FKTN: variants seen among roughly 807,000 people sequenced by gnomAD.
The protein encoded by FKTN is ribitol-5-phosphate transferase FKTN.
A neutral mutation model predicts 58.6 loss-of-function variants in FKTN; 47 were observed. The observed-to-expected ratio is 0.80, with a 90% CI of 0.63 to 1.02. FKTN has a LOEUF of 1.02. Among genes scored for constraint, FKTN ranks in the 50% least tolerant of loss-of-function variants. The probability of loss-of-function intolerance (pLI) is 0.00; values close to 1 mark genes in which losing one functional copy is unlikely to be tolerated. For synonymous variants in FKTN, 178 were observed against 191.9 expected, an observed-to-expected ratio of 0.93 and a Z score of 0.60; for missense variants, 516 against 537.3, an observed-to-expected ratio of 0.96 and a Z score of 0.39.
At position 105,586,127 on chromosome 9, in the gene FKTN, C is replaced by A. The variant is rs115288160; in HGVS notation, c.106-10471C>A. Among the ~76,000 whole-genome samples the A allele has an allele frequency of 6.3e-3, 962 of 152,314 alleles. 16 individuals carry two copies. The highest frequency in any genetic ancestry group is 0.022 in the African/African-American group (916 of 41,574). On this transcript the variant is annotated intron_variant, in intron 3 of 10. Coordinates refer to ENST00000357998, the MANE Select transcript of FKTN (RefSeq NM_001079802.2). ...CCATTTTGAGGGCCTTAGCACAGAA[C>A]TACTCTTGGTCCTAGCTGGTTAGAC...
intron 1 of FKTN, among the ~76,000 whole-genome samples, chr9:105,568,721 G>T (rs1840163507): frequency 6.6e-6 from 1 of 152,238 alleles, no homozygotes; most frequent in South Asian, 2.1e-4. Flanking sequence ...CATTGTGGAA[G>T]ACAGTGTGGC....
chr9:105,586,810 G>T (rs1230237706), intron 3 of FKTN, among the ~76,000 whole-genome samples: 2 of 152,034 alleles, frequency 1.3e-5, no homozygotes, highest in African/African-American at 4.8e-5. Flanking sequence ...GTACTTTTAA[G>T]GTTTACATTG....
chr9:105,582,363 A>G (rs1040372453), intron 3 of FKTN, among the ~76,000 whole-genome samples: 4 of 151,960 alleles, frequency 2.6e-5, no homozygotes, highest in Non-Finnish European at 5.9e-5. Context: ...CTGACTAATT[A>G]AAAAAAATTT....
chr9:105,631,542 A>C (rs1030805579), intron 10 of FKTN, among the ~76,000 whole-genome samples: 1 of 152,148 alleles, frequency 6.6e-6, no homozygotes, highest in South Asian at 2.1e-4. Flanking sequence ...AATATCCACA[A>C]TCTACAATGA....
intron 3 of FKTN, among the ~76,000 whole-genome samples, chr9:105,581,498 C>A (rs1444014087): frequency 2.0e-5 from 3 of 151,178 alleles, no homozygotes; most frequent in South Asian, 2.1e-4. Flanking sequence ...GGGTCAGGGA[C>A]CCACTTGAGG....
chr9:105,568,294 G>A (rs1840069746), intron 1 of FKTN, among the ~76,000 whole-genome samples: 1 of 152,146 alleles, frequency 6.6e-6, no homozygotes, highest in Non-Finnish European at 1.5e-5. Context: ...TGACAAAAGG[G>A]AGCTAATTAA....
In FKTN at chr9:105,636,691, A is replaced by G; in HGVS notation, c.*1427A>G. On this transcript the variant is annotated 3_prime_UTR_variant, in exon 11 of 11. Coordinates refer to ENST00000357998, the MANE Select transcript of FKTN (RefSeq NM_001079802.2). ...TGTCTAGGAAAGGAAGCTGAATCTT[A>G]TATCTTATCTATGCTATTTAGGACT... 4 of 1,282,170 alleles carry G rather than the reference A, an allele frequency of 3.1e-6. No individual in the cohort carries two copies. The highest frequency in any genetic ancestry group is 4.1e-6 in the Non-Finnish European group (4 of 973,976). The allele number at this position is 1,282,170 out of a possible 1,614,324, so 79.4% of individuals were successfully genotyped here. A position where few individuals can be genotyped will look rare whatever the true frequency, so the allele number is the denominator to read the frequency against.
chr9:105,588,799 C>G lies in FKTN; in HGVS notation c.106-7799C>G, dbSNP rs576533669. 1.5e-3 allele frequency among the ~76,000 whole-genome samples: 230 copies of G among 152,320 alleles called. 1 individual carries two copies. Among genetic ancestry groups the G allele is most frequent in the African/African-American group, 5.2e-3 (216 of 41,576 alleles). On this transcript the variant is annotated intron_variant, in intron 3 of 10. Transcript: ENST00000357998. The stretch of plus-strand genomic sequence containing the variant: ...GGATATACTGTTTGCTCTCCAAATT[C>G]TCTCTTTACCATACTCTGTTCTTGG...
At position 105,638,035 on chromosome 9, in the gene FKTN, C is replaced by G; in HGVS notation, c.*2771C>G. ...TAAAACTTAAGTGAAAATCATTCTGCTTTTGAATCTTAAAAGCTAGAAAAA... is the reference window on the plus strand; with the variant it reads ...TAAAACTTAAGTGAAAATCATTCTGGTTTTGAATCTTAAAAGCTAGAAAAA... On this transcript the variant is annotated 3_prime_UTR_variant, in exon 11 of 11. Coordinates refer to ENST00000357998, the MANE Select transcript of FKTN (RefSeq NM_001079802.2). The G allele has an allele frequency of 1.0e-6, 1 of 980,834 alleles. No individual in the cohort carries two copies. Among genetic ancestry groups the G allele is most frequent in the Non-Finnish European group, 1.2e-6 (1 of 825,776 alleles). 60.8% of individuals were successfully genotyped at this position (980,834 alleles called of 1,614,324 possible). A position where few individuals can be genotyped will look rare whatever the true frequency, so the allele number is the denominator to read the frequency against.
At position 105,619,946 on chromosome 9, in the gene FKTN, T is replaced by A. The variant is rs1266595232; in HGVS notation, c.1057T>A (p.Leu353Met). Residue 353 changes from leucine (L) to methionine (M), a missense_variant, in exon 10 of 11, where the codon TTG (leucine) becomes ATG (methionine). Physicochemically the swap from Leu to Met is conservative, Grantham distance 15. Transcript: ENST00000357998. Reference sequence around the variant, plus strand: ...ATCTTCCCCATAGGTAGAAGACAGCTTGGAACTATCCTTCCAGGGAAAAGA... The same window carrying A: ...ATCTTCCCCATAGGTAGAAGACAGCATGGAACTATCCTTCCAGGGAAAAGA... ...KHKFGKVEDS[L>M]ELSFQGKDDV... 1 of 1,611,932 alleles carries A rather than the reference T, an allele frequency of 6.2e-7. No homozygotes were observed. The highest frequency in any genetic ancestry group is 2.2e-5 in the East Asian group (1 of 44,790).
At position 105,610,181 on chromosome 9, in the gene FKTN, A is replaced by G. The variant is rs2132967848; in HGVS notation, c.780+2230A>G. ...TAAAATATTCTGGGTTCATCTTACA[A>G]TTTTCATACCTCCACCCTGGGATCA... On this transcript the variant is annotated intron_variant, in intron 7 of 10. Coordinates refer to ENST00000357998, the MANE Select transcript of FKTN (RefSeq NM_001079802.2). Among the ~76,000 whole-genome samples the G allele has an allele frequency of 1.3e-5, 2 of 151,984 alleles. 1 individual carries two copies. The highest frequency in any genetic ancestry group is 4.8e-5 in the African/African-American group (2 of 41,376).
chr9:105,584,885 T>TA (rs1843638404), intron 3 of FKTN, among the ~76,000 whole-genome samples: 1 of 152,164 alleles, frequency 6.6e-6, no homozygotes, highest in Non-Finnish European at 1.5e-5. Context: ...TTGTATCCTT[T>TA]AAAATGGAAT....
At chr9:105,605,955 G>C (rs1828815227) in intron 6 of FKTN, among the ~76,000 whole-genome samples, 1 of 152,062 alleles carries the variant, frequency 6.6e-6, no homozygotes, top group Non-Finnish European at 1.5e-5. Flanking sequence ...ACTCTGATGT[G>C]ATTATTATGC....
intron 1 of FKTN, among the ~76,000 whole-genome samples, chr9:105,569,133 C>G (rs1490510658): frequency 6.6e-6 from 1 of 152,016 alleles, no homozygotes; most frequent in East Asian, 1.9e-4. Context: ...ACACCGGGGC[C>G]TGTTGTGGGA....
chr9:105,609,268 C>T (rs1327355), intron 7 of FKTN, among the ~76,000 whole-genome samples: 19,324 of 152,004 alleles, frequency 0.13, 1,596 homozygotes, highest in East Asian at 0.46. Flanking sequence ...CATCAAGCAG[C>T]CGCCTTTCTT....
chr9:105,572,910 A>G (rs1564207771), intron 1 of FKTN, among the ~76,000 whole-genome samples: 1 of 152,156 alleles, frequency 6.6e-6, no homozygotes, highest in Non-Finnish European at 1.5e-5. Context: ...TTTCTTCCAT[A>G]GTTAAGGCGT....
chr9:105,565,490 G>T (rs1280526716), intron 1 of FKTN, among the ~76,000 whole-genome samples: 3 of 152,096 alleles, frequency 2.0e-5, no homozygotes, highest in Non-Finnish European at 4.4e-5. Context: ...AAAGGTAGGG[G>T]TTGCAATCCT....
At chr9:105,570,218 T>C (rs995340939) in intron 1 of FKTN, among the ~76,000 whole-genome samples, 1 of 152,168 alleles carries the variant, frequency 6.6e-6, no homozygotes, top group African/African-American at 2.4e-5. Flanking sequence ...TAAATAGTTT[T>C]CTGTTTTCTT....
At chr9:105,565,186 G>A (rs1195377589) in intron 1 of FKTN, among the ~76,000 whole-genome samples, 1 of 152,258 alleles carries the variant, frequency 6.6e-6, no homozygotes, top group African/African-American at 2.4e-5. Context: ...ACCAGCCTCT[G>A]CAAAAACATG....
Sources: gnomAD v4.1 joint callset for allele counts (sites outside exome capture counted in the v4.1 genomes callset) on GRCh38, gnomAD v4.1.1 for gene constraint, MANE v1.5 for transcripts, NCBI Gene and HGNC (gene_info 2026-07-23, HGNC 2026-07-21) for gene names.